Variants in RBFOX1 observed in about 807,000 individuals in gnomAD.
RBFOX1 encodes RNA binding protein fox-1 homolog 1.
A neutral mutation model predicts 57.7 loss-of-function variants in RBFOX1; 8 were observed. That is an observed-to-expected ratio of 0.14 (90% CI 0.08 to 0.25). The LOEUF is 0.25. RBFOX1 is among the 10% of genes least tolerant of loss of function. RBFOX1 has a pLI of 1.00. For missense variants in RBFOX1, 611 were observed against 548.5 expected (o/e 1.11, Z -1.14); for synonymous variants, 326 against 222.4 (o/e 1.47, Z -4.15).
chr16:6,295,315 G>A (rs2077978919), intron 1 of RBFOX1, among the ~76,000 whole-genome samples: 1 of 152,024 alleles, frequency 6.6e-6, no homozygotes, highest in African/African-American at 2.4e-5. Context: ...TAGTAGAGGC[G>A]AGGTTTCATC....
chr16:6,821,845 A>G (rs1382368149), intron 3 of RBFOX1, among the ~76,000 whole-genome samples: 1 of 152,174 alleles, frequency 6.6e-6, no homozygotes, highest in Non-Finnish European at 1.5e-5. Context: ...AGGTGCAGGC[A>G]CTTGTCTGTT....
chr16:6,210,345 C>CAAAAAAAAAAAAAAAAA (rs770814967), intron 1 of RBFOX1, among the ~76,000 whole-genome samples: 4 of 25,990 alleles, frequency 1.5e-4, no homozygotes, highest in Non-Finnish European at 2.6e-4. Context: ...AACAAAAAAA[C>CAAAAAAAAAAAAAAAAA]AAAAAAAAAA....
At chr16:6,472,713 T>A (rs932856467) in intron 2 of RBFOX1, among the ~76,000 whole-genome samples, 8 of 151,756 alleles carry the variant, frequency 5.3e-5, no homozygotes, top group African/African-American at 1.9e-4. Flanking sequence ...AACCTCCGCC[T>A]CCCGGTTCAA....
intron 7 of RBFOX1, among the ~76,000 whole-genome samples, chr16:7,592,876 A>G (rs1053567587): frequency 5.3e-5 from 8 of 152,142 alleles, no homozygotes; most frequent in African/African-American, 1.9e-4. Flanking sequence ...CAGGGGTACA[A>G]TCACAGCTCA....
At chr16:5,984,066 C>A (rs1208569625) in intron 4 of RBFOX1, among the ~76,000 whole-genome samples, 1 of 58,338 alleles carries the variant, frequency 1.7e-5, no homozygotes, top group Non-Finnish European at 3.4e-5. Context: ...CCTCCTTCTC[C>A]CTCCCACTCC....
intron 13 of RBFOX1, among the ~76,000 whole-genome samples, chr16:7,666,320 A>T (rs923001617): frequency 2.6e-5 from 4 of 152,164 alleles, no homozygotes; most frequent in Admixed American, 1.3e-4. Context: ...GGGAATAGAC[A>T]AGGGATAGAG....
chr16:5,725,036 A>G (rs75397443), intron 3 of RBFOX1, among the ~76,000 whole-genome samples: 138 of 152,134 alleles, frequency 9.1e-4, no homozygotes, highest in Middle Eastern at 3.4e-3. Flanking sequence ...AATCCGATCA[A>G]CCCTTTCCCT....
rs144273208 is a variant in RBFOX1, at chr16:5,830,515, C to A, written c.319-36788C>A. 1.3e-3 allele frequency among the ~76,000 whole-genome samples: 197 copies of A among 152,056 alleles called. 1 individual carries two copies. The highest frequency in any genetic ancestry group is 4.6e-3 in the African/African-American group (191 of 41,466). On this transcript the variant is annotated intron_variant, in intron 3 of 19. Transcript: ENST00000641259. ...GGGGCTGAGTAATATCTGGGTATGA[C>A]CCTCGGGAGAAAGGGGTTCACGTCC... is the stretch of plus-strand genomic sequence containing the variant.
chr16:5,936,265 A>G (rs2059166660), intron 4 of RBFOX1, among the ~76,000 whole-genome samples: 1 of 152,116 alleles, frequency 6.6e-6, no homozygotes. Flanking sequence ...CTGGGATTAC[A>G]GGCATGTGCC....
intron 1 of RBFOX1, among the ~76,000 whole-genome samples, chr16:5,338,875 T>G (rs959660353): frequency 1.3e-5 from 2 of 152,194 alleles, no homozygotes; most frequent in Non-Finnish European, 2.9e-5. Context: ...GGTCCTGACC[T>G]CAAGCAATCC....
chr16:5,650,928 CCTT>C (rs765085037), intron 3 of RBFOX1, among the ~76,000 whole-genome samples: 39 of 151,622 alleles, frequency 2.6e-4, no homozygotes, highest in East Asian at 7.7e-4. Flanking sequence ...ACTTTTCACT[CCTT>C]CTTTCCCTCT....
At chr16:7,001,448 G>C (rs1391360783) in intron 3 of RBFOX1, among the ~76,000 whole-genome samples, 1 of 150,950 alleles carries the variant, frequency 6.6e-6, no homozygotes, top group Admixed American at 6.6e-5. Flanking sequence ...ATATGTATAT[G>C]TATATGTATA....
chr16:6,392,593 A>C (rs930768730), intron 2 of RBFOX1, among the ~76,000 whole-genome samples: 35 of 152,184 alleles, frequency 2.3e-4, no homozygotes, highest in Admixed American at 2.3e-3. Context: ...GAATATGGTA[A>C]TATCCCTTTG....
intron 1 of RBFOX1, chr16:5,467,157 T>C (rs2151610374): frequency 7.1e-7 from 1 of 1,408,910 alleles, no homozygotes; most frequent in Non-Finnish European, 9.5e-7. Flanking sequence ...ATTGTTTCAA[T>C]GTAGACTCAA....
At chr16:6,365,457 T>A (rs1600153048) in intron 2 of RBFOX1, among the ~76,000 whole-genome samples, 1 of 151,732 alleles carries the variant, frequency 6.6e-6, no homozygotes, top group South Asian at 2.1e-4. Flanking sequence ...GGTGGATGGG[T>A]GAATGGATGG....
intron 3 of RBFOX1, among the ~76,000 whole-genome samples, chr16:5,745,374 A>G (rs989302746): frequency 1.3e-5 from 2 of 152,120 alleles, no homozygotes; most frequent in South Asian, 2.1e-4. Context: ...CCAAGTCTTT[A>G]CTATTGTGAA....
intron 4 of RBFOX1, among the ~76,000 whole-genome samples, chr16:7,236,265 C>T (rs549140599): frequency 2.6e-5 from 4 of 152,250 alleles, no homozygotes; most frequent in Admixed American, 6.5e-5. Flanking sequence ...GTATGAGGTG[C>T]GAACTAGGGT....
intron 2 of RBFOX1, among the ~76,000 whole-genome samples, chr16:6,559,111 ATGTGTGTG>A (rs34909448): frequency 5.3e-5 from 8 of 149,916 alleles, no homozygotes; most frequent in Admixed American, 1.3e-4. Context: ...ATATATACAT[ATGTGTGTG>A]TGTGTGTGTG....
chr16:7,142,138 C>G (rs1332787567), intron 4 of RBFOX1, among the ~76,000 whole-genome samples: 1 of 152,102 alleles, frequency 6.6e-6, no homozygotes, highest in Non-Finnish European at 1.5e-5. Context: ...AGCCTCACAC[C>G]TCAGCCTCCC....
Sources: allele counts gnomAD v4.1 joint callset (sites outside exome capture counted in the v4.1 genomes callset), GRCh38; gene constraint gnomAD v4.1.1; transcripts MANE v1.5; gene names NCBI Gene and HGNC (gene_info 2026-07-23, HGNC 2026-07-21).